SLC9A2: variants seen among roughly 807,000 people sequenced by gnomAD.
SLC9A2 encodes sodium/hydrogen exchanger 2.
SLC9A2 carries 42 observed loss-of-function variants against 71.7 expected under a neutral mutation model. The observed-to-expected ratio is 0.59, with a 90% CI of 0.46 to 0.76. The LOEUF (loss-of-function observed/expected upper bound fraction) is 0.76, where lower values mean the gene tolerates loss of function less well. SLC9A2 is among the 30% of genes least tolerant of loss of function. The pLI, the probability that SLC9A2 is intolerant of heterozygous loss-of-function variation, is 0.00. For synonymous variants in SLC9A2, 396 were observed against 392.5 expected (o/e 1.01, Z -0.10); for missense variants, 829 against 1,017.4 (o/e 0.81, Z 2.52).
At chr2:102,701,356 TG>T in intron 8 of SLC9A2, 125 bp downstream of exon 8, 2 of 718,206 alleles carry the variant, frequency 2.8e-6, no homozygotes, top group Non-Finnish European at 4.4e-6. Flanking sequence ...CCTCCCAGAG[TG>T]CTGGGATTAC....
At chr2:102,669,090 C>T (rs1351624855) in intron 3 of SLC9A2, among the ~76,000 whole-genome samples, 5 of 152,246 alleles carry the variant, frequency 3.3e-5, no homozygotes, top group Middle Eastern at 3.4e-3. Flanking sequence ...CAGTGCACCT[C>T]GGGTGTTCAT....
chr2:102,690,883 AAATAT>A lies in SLC9A2; in HGVS notation c.1426-3528_1426-3524del, dbSNP rs546988525. The stretch of plus-strand genomic sequence containing the variant: ...GGAAATTACCTGATAATCAGCAAGG[AAATAT>A]AAGTTTCTCTCTCCCACATCCTTTT... On this transcript the variant is annotated intron_variant, in intron 5 of 11. Coordinates refer to ENST00000233969, the MANE Select transcript of SLC9A2 (RefSeq NM_003048.6). Among the ~76,000 whole-genome samples the A allele has an allele frequency of 3.8e-3, 575 of 152,164 alleles. 4 individuals are homozygous for A. Among genetic ancestry groups the A allele is most frequent in the South Asian group, 0.014 (69 of 4,818 alleles).
At chr2:102,622,595 T>G (rs7603856) in intron 1 of SLC9A2, among the ~76,000 whole-genome samples, 11,310 of 152,140 alleles carry the variant, frequency 0.074, 650 homozygotes, top group African/African-American at 0.16. Context: ...AACTTGGTGG[T>G]GGGTGGTGAG....
At chr2:102,683,748 T>C (rs1319812870) in intron 4 of SLC9A2, among the ~76,000 whole-genome samples, 1 of 97,786 alleles carries the variant, frequency 1.0e-5, no homozygotes, top group East Asian at 7.8e-4. Context: ...CTCCTGTTTC[T>C]CTTTCTCCTC....
chr2:102,674,186 A>G (rs1677307258), intron 3 of SLC9A2, among the ~76,000 whole-genome samples: 1 of 152,212 alleles, frequency 6.6e-6, no homozygotes, highest in Non-Finnish European at 1.5e-5. Context: ...GCTTCGACAC[A>G]TGGATTAAGT....
chr2:102,643,334 A>G (rs1469933771), intron 1 of SLC9A2, among the ~76,000 whole-genome samples: 1 of 152,160 alleles, frequency 6.6e-6, no homozygotes, highest in Non-Finnish European at 1.5e-5. Flanking sequence ...TGAGGATGGA[A>G]TCTAAACAGC....
rs1039641609 is a variant in SLC9A2 at position 102,710,431 on chromosome 2, CTATGTT to C, written c.*1946_*1951del. ...AAATTTCCTAATTTTTCCCAGTTTC[CTATGTT>C]TATAACTATTATAAAGAGTTTAACT... On this transcript the variant is annotated 3_prime_UTR_variant, in exon 12 of 12. Coordinates refer to ENST00000233969, the MANE Select transcript of SLC9A2 (RefSeq NM_003048.6). 13 of 146,944 alleles carry C rather than the reference CTATGTT, an allele frequency of 8.8e-5. No individual in the cohort carries two copies. The highest frequency in any genetic ancestry group is 3.6e-3 in the Middle Eastern group (1 of 278). 9.1% of individuals were successfully genotyped at this position (146,944 alleles called of 1,614,324 possible). A position where few individuals can be genotyped will look rare whatever the true frequency, so the allele number is the denominator to read the frequency against.
chr2:102,654,195 C>CTTTTTTTTT (rs34248413), intron 1 of SLC9A2, among the ~76,000 whole-genome samples: 2 of 89,528 alleles, frequency 2.2e-5, no homozygotes, highest in African/African-American at 9.4e-5. Context: ...TTGGCTGACT[C>CTTTTTTTTT]TTTTTTTTTT....
At position 102,705,953 on chromosome 2, in the gene SLC9A2, G is replaced by C; in HGVS notation, c.2068+17G>C. 6.8e-7 allele frequency: 1 copy of C among 1,472,330 alleles called. No individual in the cohort carries two copies. The highest frequency in any genetic ancestry group is 1.4e-5 in the African/African-American group (1 of 69,772). The allele number at this position is 1,472,330 out of a possible 1,614,324, so 91.2% of individuals were successfully genotyped here. A position where few individuals can be genotyped will look rare whatever the true frequency, so the allele number is the denominator to read the frequency against. Reference sequence around the variant, plus strand: ...CTATTGCAGGTAGTGAATATAGTTGGAGCAGAAAAATTTTAAATTTATTTG... The same window carrying C: ...CTATTGCAGGTAGTGAATATAGTTGCAGCAGAAAAATTTTAAATTTATTTG... On this transcript the variant is annotated intron_variant, in intron 11 of 11. Transcript: ENST00000233969.
chr2:102,626,682 G>T (rs927953277), intron 1 of SLC9A2, among the ~76,000 whole-genome samples: 1 of 152,086 alleles, frequency 6.6e-6, no homozygotes, highest in Non-Finnish European at 1.5e-5. Context: ...ATCTGAAAAA[G>T]GGCTAATATC....
intron 1 of SLC9A2, among the ~76,000 whole-genome samples, chr2:102,646,950 C>G (rs879590742): frequency 6.6e-6 from 1 of 151,994 alleles, no homozygotes; most frequent in African/African-American, 2.4e-5. Context: ...GAACTCAGCT[C>G]TGGGCAAAGC....
intron 3 of SLC9A2, among the ~76,000 whole-genome samples, chr2:102,679,328 CA>C (rs1298091123): frequency 2.6e-5 from 4 of 151,904 alleles, no homozygotes; most frequent in Admixed American, 6.6e-5. Flanking sequence ...ATCCCATGGA[CA>C]TTCATGTTAA....
Position 102,619,722 on chromosome 2 carries a change from C to T in SLC9A2, c.-127C>T. 1.3e-6 allele frequency: 1 copy of T among 778,172 alleles called. No homozygotes were observed. Among genetic ancestry groups the T allele is most frequent in the African/African-American group, 1.8e-5 (1 of 54,356 alleles). The allele number at this position is 778,172 out of a possible 1,614,324, so 48.2% of individuals were successfully genotyped here. Reference sequence around the variant, plus strand: ...TTGCAGAGACCCGGTGCCGCAGCAGCGGCGGGTGGCTGTCGCTGCCCTGCC... The same window carrying T: ...TTGCAGAGACCCGGTGCCGCAGCAGTGGCGGGTGGCTGTCGCTGCCCTGCC... On this transcript the variant is annotated 5_prime_UTR_variant, in exon 1 of 12. Transcript: ENST00000233969. This position sits in a 1 kb window ranked among gnomAD's most constrained non-coding sequence, Gnocchi z 4.3.
intron 1 of SLC9A2, among the ~76,000 whole-genome samples, chr2:102,649,948 C>A (rs1676799056): frequency 6.6e-6 from 1 of 152,114 alleles, no homozygotes; most frequent in African/African-American, 2.4e-5. Context: ...ACCATTTGAC[C>A]CAGCAATCCC....
intron 3 of SLC9A2, among the ~76,000 whole-genome samples, chr2:102,665,816 T>G: frequency 6.6e-6 from 1 of 150,886 alleles, no homozygotes; most frequent in East Asian, 1.9e-4. Context: ...TTTCTTATGT[T>G]TTGTTACAAA....
At chr2:102,687,125 G>A (rs1027082844) in intron 5 of SLC9A2, among the ~76,000 whole-genome samples, 7 of 152,310 alleles carry the variant, frequency 4.6e-5, no homozygotes, top group Admixed American at 3.9e-4. Context: ...AGAAATTGCT[G>A]CGGTTCCACT....
chr2:102,620,259 C>G (rs1042809081), intron 1 of SLC9A2, 122 bp downstream of exon 1: 15 of 790,840 alleles, frequency 1.9e-5, no homozygotes, highest in Non-Finnish European at 2.7e-5. Flanking sequence ...AGGGCAGGGA[C>G]GACAGATGGA....
In SLC9A2 at chr2:102,702,405, GTGAT is replaced by G; in HGVS notation, c.1751_1754del (p.Asp584ValfsTer6). On this transcript the variant is annotated frameshift_variant and splice_region_variant, in exon 9 of 12. Transcript: ENST00000233969. LOFTEE classifies it high-confidence loss of function. ...AATATTCTTTTTCTAAACTTTCACA[GTGAT>G]TGTCGTGAAGAAAAAATAAGGAAGG... 1.3e-6 allele frequency: 2 copies of G among 1,536,490 alleles called. No individual in the cohort carries two copies. The highest frequency in any genetic ancestry group is 1.8e-6 in the Non-Finnish European group (2 of 1,121,698).
intron 1 of SLC9A2, among the ~76,000 whole-genome samples, chr2:102,626,430 A>G (rs1217440969): frequency 1.3e-5 from 2 of 152,220 alleles, no homozygotes; most frequent in Non-Finnish European, 2.9e-5. Flanking sequence ...TTCAAGATGG[A>G]TTAAAGACTT....
Sources: allele counts gnomAD v4.1 joint callset (sites outside exome capture counted in the v4.1 genomes callset), GRCh38; gene constraint gnomAD v4.1.1; non-coding constraint Gnocchi (gnomAD v3.1); transcripts MANE v1.5; gene names NCBI Gene and HGNC (gene_info 2026-07-23, HGNC 2026-07-21).